WWOX: variants seen among roughly 807,000 people sequenced by gnomAD.
The protein encoded by WWOX is WW domain containing oxidoreductase, also known as WW domain-containing oxidoreductase.
In WWOX, 69 loss-of-function variants were observed where a neutral mutation model predicts 46.2. The ratio of observed to expected loss-of-function variants is 1.49; its 90% CI spans 1.23 to 1.82. The LOEUF is 1.82. Among genes scored for constraint, WWOX ranks in the 40% most tolerant of loss-of-function variants. The pLI is 0.00. For synonymous variants in WWOX, 359 were observed against 202.6 expected (o/e 1.77, Z -6.56); for missense variants, 919 against 542.6 (o/e 1.69, Z -6.89).
chr16:78,395,121 A>C (rs2082256568), intron 6 of WWOX, among the ~76,000 whole-genome samples: 2 of 152,194 alleles, frequency 1.3e-5, no homozygotes, highest in African/African-American at 4.8e-5. Flanking sequence ...AAGGTTTCTG[A>C]GAATATATAG....
intron 4 of WWOX, among the ~76,000 whole-genome samples, chr16:78,138,807 C>T (rs1411824734): frequency 6.6e-6 from 1 of 152,178 alleles, no homozygotes; most frequent in African/African-American, 2.4e-5. Flanking sequence ...TGCGCCACTC[C>T]ACGGATGTGA....
chr16:78,184,425 A>G (rs1567617740), intron 5 of WWOX, among the ~76,000 whole-genome samples: 1 of 152,166 alleles, frequency 6.6e-6, no homozygotes, highest in Non-Finnish European at 1.5e-5. Context: ...TGTAGAAATA[A>G]TCATGAACTT....
chr16:79,126,652 G>A (rs185435135), intron 8 of WWOX, among the ~76,000 whole-genome samples: 3 of 152,280 alleles, frequency 2.0e-5, no homozygotes, highest in African/African-American at 7.2e-5. Context: ...AGGTATTTCT[G>A]TGTAGCAGTG....
chr16:78,243,045 C>G (rs2037708279), intron 5 of WWOX, among the ~76,000 whole-genome samples: 1 of 151,862 alleles, frequency 6.6e-6, no homozygotes, highest in African/African-American at 2.4e-5. Flanking sequence ...TGTGAGCCTT[C>G]CCTTCCCTCT....
chr16:78,115,750 A>G (rs2151675782), intron 4 of WWOX, among the ~76,000 whole-genome samples: 1 of 152,324 alleles, frequency 6.6e-6, no homozygotes, highest in East Asian at 1.9e-4. Flanking sequence ...AGACAGGAGC[A>G]AGGCGGGAGC....
intron 8 of WWOX, among the ~76,000 whole-genome samples, chr16:79,022,571 A>G (rs2047555765): frequency 6.6e-6 from 1 of 152,166 alleles, no homozygotes; most frequent in Non-Finnish European, 1.5e-5. Flanking sequence ...TGCAGGACAA[A>G]GAGGAATGGG....
At chr16:78,453,028 C>A (rs1270850628) in intron 8 of WWOX, among the ~76,000 whole-genome samples, 1 of 151,328 alleles carries the variant, frequency 6.6e-6, no homozygotes, top group Non-Finnish European at 1.5e-5. Context: ...ATTACAGGCA[C>A]CTGCCTTCAT....
intron 8 of WWOX, among the ~76,000 whole-genome samples, chr16:78,492,058 G>A (rs1410631330): frequency 6.6e-6 from 1 of 152,094 alleles, no homozygotes; most frequent in Non-Finnish European, 1.5e-5. Context: ...GTGCTTTGGG[G>A]TTAGTCTCTG....
Position 78,968,086 on chromosome 16 carries a change from A to C in WWOX, c.1057-243522A>C, listed in dbSNP as rs542641639. On this transcript the variant is annotated intron_variant, in intron 8 of 8. Transcript: ENST00000566780. Reference sequence around the variant, plus strand: ...GTGTGTGGTCTGTATGGCACAGTGCATGGTCCGCATGGCACAGCGCGTGGT... The same window carrying C: ...GTGTGTGGTCTGTATGGCACAGTGCCTGGTCCGCATGGCACAGCGCGTGGT... Among the ~76,000 whole-genome samples, 9 of 149,330 alleles carry C rather than the reference A, an allele frequency of 6.0e-5. No individual in the cohort carries two copies. In the Admixed American group the frequency reaches 6.2e-4, roughly 10 times the overall value.
chr16:78,580,474 A>G lies in WWOX; in HGVS notation c.1056+147722A>G, dbSNP rs115375653. ...TGTTGTGGAGCTGAGTCTTTCATCA[A>G]AAACAAGGACTCCTGGCAGATGCCC... On this transcript the variant is annotated intron_variant, in intron 8 of 8. Coordinates refer to ENST00000566780, the MANE Select transcript of WWOX (RefSeq NM_016373.4). 7.2e-5 allele frequency among the ~76,000 whole-genome samples: 11 copies of G among 152,308 alleles called. 1 individual carries two copies. The South Asian group carries it at 2.3e-3, about 32-fold the overall frequency.
chr16:78,673,391 C>G (rs1012008739), intron 8 of WWOX, among the ~76,000 whole-genome samples: 1 of 152,146 alleles, frequency 6.6e-6, no homozygotes, highest in Non-Finnish European at 1.5e-5. Flanking sequence ...ATTCTCCAGC[C>G]CAGTTATCTT....
intron 4 of WWOX, among the ~76,000 whole-genome samples, chr16:78,162,919 A>G (rs2034843134): frequency 6.7e-6 from 1 of 148,710 alleles, no homozygotes; most frequent in South Asian, 2.1e-4. Context: ...TACTCTTATT[A>G]CTCTTATTTT....
At chr16:78,449,247 G>A (rs1256932537) in intron 8 of WWOX, among the ~76,000 whole-genome samples, 2 of 152,150 alleles carry the variant, frequency 1.3e-5, no homozygotes, top group South Asian at 2.1e-4. Flanking sequence ...AAGCCAAGAA[G>A]GAAATAGAAT....
chr16:78,619,615 ACCATGTGAATTGGGC>A (rs2046126907), intron 8 of WWOX, among the ~76,000 whole-genome samples: 2 of 151,906 alleles, frequency 1.3e-5, no homozygotes, highest in South Asian at 4.1e-4. Flanking sequence ...AGTAAAAAGA[ACCATGTGAATTGGGC>A]GTGGTGGCTC....
chr16:78,325,868 A>G (rs974725203), intron 5 of WWOX, among the ~76,000 whole-genome samples: 3 of 152,196 alleles, frequency 2.0e-5, no homozygotes, highest in Non-Finnish European at 2.9e-5. Flanking sequence ...AATGACAACA[A>G]TGATGATGAT....
intron 8 of WWOX, among the ~76,000 whole-genome samples, chr16:78,663,749 T>G (rs2047268518): frequency 6.6e-6 from 1 of 152,126 alleles, no homozygotes; most frequent in Non-Finnish European, 1.5e-5. Context: ...TGATGGCTTT[T>G]GAGGAGGTGA....
At chr16:78,804,212 A>T (rs1186064364) in intron 8 of WWOX, among the ~76,000 whole-genome samples, 1 of 152,134 alleles carries the variant, frequency 6.6e-6, no homozygotes, top group African/African-American at 2.4e-5. Context: ...TCCCTCCTCT[A>T]TGCCTTCCCC....
chr16:78,465,324 C>T lies in WWOX; in HGVS notation c.1056+32572C>T, dbSNP rs575827007. Among the ~76,000 whole-genome samples, 204 of 152,222 alleles carry T rather than the reference C, an allele frequency of 1.3e-3. 1 individual carries two copies. The highest frequency in any genetic ancestry group is 2.0e-3 in the Non-Finnish European group (137 of 68,026). ...CTTCTTTACCATTTCTGAATGTGGC[C>T]CTGAGGGAGGATTTGTCTTTTGCTA... is the stretch of plus-strand genomic sequence containing the variant. On this transcript the variant is annotated intron_variant, in intron 8 of 8. Transcript: ENST00000566780.
At chr16:78,335,690 A>C (rs941783353) in intron 5 of WWOX, among the ~76,000 whole-genome samples, 1 of 152,172 alleles carries the variant, frequency 6.6e-6, no homozygotes, top group Non-Finnish European at 1.5e-5. Flanking sequence ...AAGACATGGA[A>C]TTCACCCAAT....
Sources: allele counts gnomAD v4.1 joint callset (sites outside exome capture counted in the v4.1 genomes callset), GRCh38; gene constraint gnomAD v4.1.1; transcripts MANE v1.5; gene names NCBI Gene and HGNC (gene_info 2026-07-23, HGNC 2026-07-21).